Variants in CCDC73 observed in about 807,000 individuals in gnomAD.
CCDC73 encodes the protein coiled-coil domain containing 73.
Under a neutral mutation model 116.5 loss-of-function variants are expected in CCDC73, and 95 were observed. The observed-to-expected ratio is 0.82, with a 90% CI of 0.69 to 0.97. CCDC73 has a LOEUF of 0.97. CCDC73 is among the 50% of genes least tolerant of loss of function. The probability of loss-of-function intolerance (pLI) is 0.00; values close to 1 mark genes in which losing one functional copy is unlikely to be tolerated. For missense variants in CCDC73, 1,066 were observed against 1,206.8 expected (o/e 0.88, Z 1.73); for synonymous variants, 398 against 401.3 (o/e 0.99, Z 0.10).
intron 6 of CCDC73, among the ~76,000 whole-genome samples, chr11:32,686,209 C>CAA (rs34582756): frequency 0.079 from 4,439 of 55,870 alleles, 112 homozygotes; most frequent in Middle Eastern, 0.087. Context: ...GAGGGAAAGC[C>CAA]AAAAAAAAAA....
chr11:32,746,968 C>G (rs2133363427), intron 2 of CCDC73, among the ~76,000 whole-genome samples: 1 of 152,268 alleles, frequency 6.6e-6, no homozygotes, highest in South Asian at 2.1e-4. Context: ...TTTTCCCTTG[C>G]TGGCGAGGAG....
rs1324638908 is a variant in CCDC73, at chr11:32,602,834, C to A, written c.3217G>T (p.Glu1073Ter). Residue 1073 changes from glutamate to a stop codon, truncating the protein, a stop_gained, in exon 18 of 18, where the codon GAA (glutamate) becomes TAA (stop). Coordinates refer to ENST00000335185, the MANE Select transcript of CCDC73 (RefSeq NM_001008391.4). LOFTEE classifies it high-confidence loss of function. Reference sequence around the variant, plus strand: ...CATTATTTTAATCTGTTGTTTTTTTCCAACGTCTCTTCTGCTTTTCTTTTC... The same window carrying A: ...CATTATTTTAATCTGTTGTTTTTTTACAACGTCTCTTCTGCTTTTCTTTTC... ...PKKRKAEETLEKNNRLK is the reference protein window; with the variant it reads ...PKKRKAEETL 2 of 1,597,704 alleles carry A rather than the reference C, an allele frequency of 1.3e-6. No individual in the cohort carries two copies. The highest frequency in any genetic ancestry group is 4.5e-5 in the East Asian group (2 of 44,710).
chr11:32,645,813 A>T (rs2133254375), intron 12 of CCDC73, among the ~76,000 whole-genome samples: 1 of 152,314 alleles, frequency 6.6e-6, no homozygotes, highest in African/African-American at 2.4e-5. Flanking sequence ...TGGCTATGAT[A>T]CTAGCAGATG....
chr11:32,787,012 T>A (rs1850635387), intron 1 of CCDC73, among the ~76,000 whole-genome samples: 1 of 152,132 alleles, frequency 6.6e-6, no homozygotes, highest in Non-Finnish European at 1.5e-5. Flanking sequence ...TTTGCCAGTA[T>A]CACAAATGAC....
upstream of CCDC73, among the ~76,000 whole-genome samples, chr11:32,797,009 C>CAAAAAAAAAAAAAAAAAAAAAAAAAAAAA (rs1163144111): frequency 1.3e-5 from 1 of 74,620 alleles, no homozygotes; most frequent in Non-Finnish European, 2.4e-5. Context: ...GAGACTGCCT[C>CAAAAAAAAAAAAAAAAAAAAAAAAAAAAA]AAAAAAAAAA....
At chr11:32,828,662 G>T in the CCDC73 span, among the ~76,000 whole-genome samples, 1 of 152,086 alleles carries the variant, frequency 6.6e-6, no homozygotes, top group Admixed American at 6.5e-5. Context: ...CCTGGCATAG[G>T]TACTCTGTCC....
chr11:32,769,346 T>C (rs1850472145), intron 1 of CCDC73, among the ~76,000 whole-genome samples: 2 of 152,194 alleles, frequency 1.3e-5, no homozygotes, highest in South Asian at 4.1e-4. Context: ...ATCAGCTGTC[T>C]GTCTGAAAAG....
intron 12 of CCDC73, among the ~76,000 whole-genome samples, chr11:32,648,067 G>A (rs1855794149): frequency 6.6e-6 from 1 of 152,162 alleles, no homozygotes; most frequent in Admixed American, 6.5e-5. Context: ...CTGCAAAGTA[G>A]GAGAGGAGCA....
intron 7 of CCDC73, among the ~76,000 whole-genome samples, chr11:32,677,151 T>A (rs1310384331): frequency 6.6e-6 from 1 of 152,228 alleles, no homozygotes. Context: ...GCCCATGAAC[T>A]GGCACTCAAT....
chr11:32,732,932 T>G (rs1481897160), intron 2 of CCDC73, among the ~76,000 whole-genome samples: 1 of 152,180 alleles, frequency 6.6e-6, no homozygotes, highest in South Asian at 2.1e-4. Context: ...TAACCTTAAA[T>G]GTAAATGGGC....
intron 2 of CCDC73, among the ~76,000 whole-genome samples, chr11:32,723,170 T>C (rs144518380): frequency 5.9e-5 from 9 of 152,318 alleles, no homozygotes; most frequent in Admixed American, 5.2e-4. Flanking sequence ...ATCTGGTTAT[T>C]TGGTAAAACA....
intron 2 of CCDC73, among the ~76,000 whole-genome samples, chr11:32,727,991 C>T (rs1590616248): frequency 6.6e-6 from 1 of 152,104 alleles, no homozygotes; most frequent in East Asian, 1.9e-4. Flanking sequence ...GTGGCTCACG[C>T]CTGTAATCCT....
the CCDC73 span, among the ~76,000 whole-genome samples, chr11:32,805,174 G>A: frequency 1.3e-5 from 2 of 152,150 alleles, no homozygotes; most frequent in African/African-American, 4.8e-5. Flanking sequence ...CCTTAAGAGT[G>A]AAAAAATGAG....
chr11:32,689,280 TGTGAAA>T (rs1388682638), intron 6 of CCDC73, among the ~76,000 whole-genome samples: 1 of 152,112 alleles, frequency 6.6e-6, no homozygotes, highest in Non-Finnish European at 1.5e-5. Flanking sequence ...GAAACTGTTC[TGTGAAA>T]CCCTTGAGGC....
At chr11:32,763,146 G>C (rs1480092670) in intron 1 of CCDC73, among the ~76,000 whole-genome samples, 1 of 152,252 alleles carries the variant, frequency 6.6e-6, no homozygotes, top group East Asian at 1.9e-4. Context: ...AGGCCTGCCT[G>C]CCTCTGTAGA....
intron 14 of CCDC73, among the ~76,000 whole-genome samples, chr11:32,635,448 A>AG (rs1855668784): frequency 6.6e-6 from 1 of 152,198 alleles, no homozygotes; most frequent in South Asian, 2.1e-4. Context: ...ACTAAGGTAC[A>AG]GTGGGAGAGA....
At chr11:32,728,072 G>A (rs1252516265) in intron 2 of CCDC73, among the ~76,000 whole-genome samples, 1 of 151,922 alleles carries the variant, frequency 6.6e-6, no homozygotes, top group African/African-American at 2.4e-5. Flanking sequence ...AGCCACATAA[G>A]GAGACCTCAT....
intron 1 of CCDC73, among the ~76,000 whole-genome samples, chr11:32,768,601 C>G (rs1850465550): frequency 6.6e-6 from 1 of 152,008 alleles, no homozygotes; most frequent in African/African-American, 2.4e-5. Context: ...TGAAAGAAAC[C>G]TCAATCTATT....
At chr11:32,658,041 A>C (rs1461692363) in intron 9 of CCDC73, among the ~76,000 whole-genome samples, 4 of 150,856 alleles carry the variant, frequency 2.7e-5, no homozygotes, top group Non-Finnish European at 4.4e-5. Context: ...AAAAAGAAAA[A>C]GAAAAAAAAA....
Sources: allele counts gnomAD v4.1 joint callset (sites outside exome capture counted in the v4.1 genomes callset), GRCh38; gene constraint gnomAD v4.1.1; transcripts MANE v1.5; gene names NCBI Gene and HGNC (gene_info 2026-07-23, HGNC 2026-07-21).